WDR33: variants seen among roughly 807,000 people sequenced by gnomAD.
WDR33 encodes pre-mRNA 3' end processing protein WDR33.
A neutral mutation model predicts 164.9 loss-of-function variants in WDR33; 47 were observed. That is an observed-to-expected ratio of 0.29 (90% CI 0.23 to 0.36). The LOEUF (loss-of-function observed/expected upper bound fraction) is 0.36, where lower values mean the gene tolerates loss of function less well. WDR33 is among the 10% of genes least tolerant of loss of function. The pLI, the probability that WDR33 is intolerant of heterozygous loss-of-function variation, is 1.00. For missense variants in WDR33, 1,137 were observed against 1,754.1 expected (o/e 0.65, Z 6.28); for synonymous variants, 505 against 589.0 (o/e 0.86, Z 2.06).
At chr2:127,736,411 A>G (rs72968953) in intron 7 of WDR33, 27,286 of 985,366 alleles carry the variant, frequency 0.028, 846 homozygotes, top group African/African-American at 0.15. Flanking sequence ...ACTGAGTGGT[A>G]GCACAGAAGT....
At position 127,701,763 on chromosome 2, in the gene WDR33, G is replaced by A; in HGVS notation, c.*4560C>T. On this transcript the variant is annotated 3_prime_UTR_variant, in exon 22 of 22. Coordinates refer to ENST00000322313, the MANE Select transcript of WDR33 (RefSeq NM_018383.5). ...CGTGACGCGCGGGCAGCGGCTGGCG[G>A]CGGGCGGCGGGTGCCTGCTGCTGGC... The A allele has an allele frequency of 1.4e-6, 2 of 1,424,094 alleles. No homozygotes were observed. The highest frequency in any genetic ancestry group is 3.2e-5 in the East Asian group (1 of 31,568). 88.2% of individuals were successfully genotyped at this position (1,424,094 alleles called of 1,614,324 possible).
At chr2:127,799,693 G>T (rs1258889832) in intron 1 of WDR33, among the ~76,000 whole-genome samples, 2 of 152,184 alleles carry the variant, frequency 1.3e-5, no homozygotes, top group African/African-American at 4.8e-5. Context: ...TACTCAGGAG[G>T]CTGAAGCAGG....
rs1685910040 is a variant in WDR33, at chr2:127,702,216, AGCGCCGTCGGAGACC to A, written c.*4092_*4106del. 8.3e-7 allele frequency: 1 copy of A among 1,205,098 alleles called. No individual in the cohort carries two copies. The highest frequency in any genetic ancestry group is 1.6e-5 in the African/African-American group (1 of 63,040). 74.7% of individuals were successfully genotyped at this position (1,205,098 alleles called of 1,614,324 possible). A position where few individuals can be genotyped will look rare whatever the true frequency, so the allele number is the denominator to read the frequency against. ...CGCCGCTGGGGAAGTACGCGGAGCC[AGCGCCGTCGGAGACC>A]GCGCCGGCCGAGCTGAGGACTGCAC... On this transcript the variant is annotated 3_prime_UTR_variant, in exon 22 of 22. Transcript: ENST00000322313.
rs1381655903 is a variant in WDR33, at chr2:127,701,646, G to C, written c.*4677C>G. 11 of 1,305,078 alleles carry C rather than the reference G, an allele frequency of 8.4e-6. No homozygotes were observed. The East Asian group carries it at 3.1e-4, about 37-fold the overall frequency. The allele number at this position is 1,305,078 out of a possible 1,614,324, so 80.8% of individuals were successfully genotyped here. A position where few individuals can be genotyped will look rare whatever the true frequency, so the allele number is the denominator to read the frequency against. ...GGCGGAGGAGCCCGGGGACCGGCCGGCGGAGGAGTGGCTGGGCCGCGCGGG... is the reference window on the plus strand; with the variant it reads ...GGCGGAGGAGCCCGGGGACCGGCCGCCGGAGGAGTGGCTGGGCCGCGCGGG... On this transcript the variant is annotated 3_prime_UTR_variant, in exon 22 of 22. Coordinates refer to ENST00000322313, the MANE Select transcript of WDR33 (RefSeq NM_018383.5).
chr2:127,736,006 C>T, intron 7 of WDR33: 1 of 985,436 alleles, frequency 1.0e-6, no homozygotes, highest in Non-Finnish European at 1.2e-6. Context: ...TCCAACAATA[C>T]AGTGCATAGA....
rs1686223769 is a variant in WDR33, at chr2:127,713,336, T to C, written c.3308+247A>G. 6.6e-6 allele frequency among the ~76,000 whole-genome samples: 1 copy of C among 152,124 alleles called. No homozygotes were observed. The highest frequency in any genetic ancestry group is 1.5e-5 in the Non-Finnish European group (1 of 68,018). On this transcript the variant is annotated intron_variant, in intron 18 of 21. Coordinates refer to ENST00000322313, the MANE Select transcript of WDR33 (RefSeq NM_018383.5). This position sits in a 1 kb window ranked among gnomAD's most constrained non-coding sequence, Gnocchi z 6.2. ...GTAGTACACTGATCCTCCCATCTCT[T>C]TAGAAAGGACCAAAATATAAAAAAA...
In WDR33 at chr2:127,716,379, T is replaced by C. The variant is rs1453236502; in HGVS notation, c.2869+776A>G. Among the ~76,000 whole-genome samples the C allele has an allele frequency of 6.6e-6, 1 of 152,220 alleles. No individual in the cohort carries two copies. Among genetic ancestry groups the C allele is most frequent in the Non-Finnish European group, 1.5e-5 (1 of 68,046 alleles). On this transcript the variant is annotated intron_variant, in intron 17 of 21. Coordinates refer to ENST00000322313, the MANE Select transcript of WDR33 (RefSeq NM_018383.5). The surrounding 1 kb of genome is among the most constrained non-coding windows in gnomAD (Gnocchi z 4.5). The stretch of plus-strand genomic sequence containing the variant: ...TGAAGGGCAATCTCTGCGGTCCTCC[T>C]GATTCTCCGAGTTGTGGTTTCTCCC...
rs1441524524 is a variant in WDR33, at chr2:127,701,663, C to A, written c.*4660G>T. ...ACCGGCCGGCGGAGGAGTGGCTGGG[C>A]CGCGCGGGCTTGCGCTGGACGTGGG... is the stretch of plus-strand genomic sequence containing the variant. On this transcript the variant is annotated 3_prime_UTR_variant, in exon 22 of 22. Transcript: ENST00000322313. 7.7e-7 allele frequency: 1 copy of A among 1,292,096 alleles called. No homozygotes were observed. The highest frequency in any genetic ancestry group is 2.4e-5 in the South Asian group (1 of 42,084). The allele number at this position is 1,292,096 out of a possible 1,614,324, so 80.0% of individuals were successfully genotyped here. A position where few individuals can be genotyped will look rare whatever the true frequency, so the allele number is the denominator to read the frequency against.
Position 127,713,724 on chromosome 2 carries a change from G to A in WDR33, c.3167C>T (p.Pro1056Leu). The A allele has an allele frequency of 6.2e-7, 1 of 1,614,218 alleles. No individual in the cohort carries two copies. The highest frequency in any genetic ancestry group is 8.5e-7 in the Non-Finnish European group (1 of 1,180,002). Residue 1056 changes from proline (P) to leucine (L), a missense_variant, in exon 18 of 22, where the codon CCT (proline) becomes CTT (leucine). Pro to Leu is a moderately conservative substitution (Grantham distance 98). Coordinates refer to ENST00000322313, the MANE Select transcript of WDR33 (RefSeq NM_018383.5). The surrounding 1 kb of genome is among the most constrained non-coding windows in gnomAD (Gnocchi z 6.2). ...CCCCTCGCTGAATTCCCTGTGATCA[G>A]GGGGAAACGGAGGCCCAGGGCCCCC... ...RRGGPGPPFP[P>L]DHREFSEGDG... is the part of the protein sequence containing the mutation.
chr2:127,720,006 C>T lies in WDR33; in HGVS notation c.2019G>A (p.Gly673=), dbSNP rs148487848. The change falls in exon 16 of 22, where the codon GGG becomes GGA. Residue 673 remains glycine (G), a synonymous_variant. Transcript: ENST00000322313. The surrounding 1 kb of genome is among the most constrained non-coding windows in gnomAD (Gnocchi z 5.9). ...CAGGATGCCTCTGCATTCCTTGGGGCCCATGCATGTCCTGAGGCCGTGGCA... is the reference window on the plus strand; with the variant it reads ...CAGGATGCCTCTGCATTCCTTGGGGTCCATGCATGTCCTGAGGCCGTGGCA... The part of the protein sequence containing the change: ...QGLPRPQDMH[G]PQGMQRHPGP... 1.2e-4 allele frequency: 199 copies of T among 1,613,794 alleles called. No individual in the cohort carries two copies. In the African/African-American group the frequency reaches 2.4e-3, roughly 19 times the overall value.
In WDR33 at chr2:127,765,163, A is replaced by T. The variant is rs1291316965; in HGVS notation, c.474+11T>A. 3.7e-6 allele frequency: 6 copies of T among 1,607,126 alleles called. No homozygotes were observed. Among genetic ancestry groups the T allele is most frequent in the Non-Finnish European group, 5.1e-6 (6 of 1,174,120 alleles). Reference sequence around the variant, plus strand: ...CACAGGATGATGATACCATCTGGTGATTATCATTACCTGTAATATTGTTTC... The same window carrying T: ...CACAGGATGATGATACCATCTGGTGTTTATCATTACCTGTAATATTGTTTC... On this transcript the variant is annotated intron_variant, in intron 5 of 21. Transcript: ENST00000322313.
In WDR33 at chr2:127,705,008, A is replaced by C. The variant is rs1015229686; in HGVS notation, c.*1315T>G. On this transcript the variant is annotated 3_prime_UTR_variant, in exon 22 of 22. Transcript: ENST00000322313. The surrounding 1 kb of genome is among the most constrained non-coding windows in gnomAD (Gnocchi z 4.5). ...TACTAGGGAGGCTGAGGCAGGGTCA[A>C]AGCTGAAGTGAGCCGTGATTGCACC... 6.2e-6 allele frequency: 1 copy of C among 161,652 alleles called. No homozygotes were observed. Among genetic ancestry groups the C allele is most frequent in the Non-Finnish European group, 1.5e-5 (1 of 68,096 alleles). 10.0% of individuals were successfully genotyped at this position (161,652 alleles called of 1,614,324 possible). A position where few individuals can be genotyped will look rare whatever the true frequency, so the allele number is the denominator to read the frequency against.
intron 7 of WDR33, among the ~76,000 whole-genome samples, chr2:127,730,451 A>G (rs1302746050): frequency 6.7e-6 from 1 of 149,998 alleles, no homozygotes; most frequent in Non-Finnish European, 1.5e-5. Flanking sequence ...CATCCTAATA[A>G]TTTAAGTGGA....
At position 127,726,608 on chromosome 2, in the gene WDR33, C is replaced by T. The variant is rs754723338; in HGVS notation, c.851+43G>A. 2.5e-6 allele frequency: 4 copies of T among 1,605,626 alleles called. No individual in the cohort carries two copies. Among genetic ancestry groups the T allele is most frequent in the South Asian group, 2.2e-5 (2 of 89,678 alleles). On this transcript the variant is annotated intron_variant, in intron 8 of 21. Transcript: ENST00000322313. This position sits in a 1 kb window ranked among gnomAD's most constrained non-coding sequence, Gnocchi z 4.8. The stretch of plus-strand genomic sequence containing the variant: ...AAAAGTTAAAGGACACACTGCTTTG[C>T]TCCCCTTTGTTCAGGGGCCAAGGTG...
intron 7 of WDR33, 152 bp downstream of exon 7, chr2:127,762,910 A>G (rs1687719799): frequency 2.1e-6 from 3 of 1,429,706 alleles, no homozygotes; most frequent in Non-Finnish European, 2.8e-6. Flanking sequence ...TGAGTCAGAG[A>G]AAGTGCTGGG....
rs767016124 is a variant in WDR33 at position 127,701,750 on chromosome 2, G to A, written c.*4573C>T. On this transcript the variant is annotated 3_prime_UTR_variant, in exon 22 of 22. Transcript: ENST00000322313. ...CGTGCCTCCCGAGCGTGACGCGCGG[G>A]CAGCGGCTGGCGGCGGGCGGCGGGT... 6.4e-6 allele frequency: 9 copies of A among 1,416,760 alleles called. No homozygotes were observed. The highest frequency in any genetic ancestry group is 1.4e-5 in the South Asian group (1 of 71,782). 87.8% of individuals were successfully genotyped at this position (1,416,760 alleles called of 1,614,324 possible).
At chr2:127,790,558 T>C (rs1688808062) in intron 1 of WDR33, among the ~76,000 whole-genome samples, 1 of 152,200 alleles carries the variant, frequency 6.6e-6, no homozygotes, top group Admixed American at 6.5e-5. Flanking sequence ...CAACCTCAAC[T>C]TTCCTTTGGA....
rs1175565159 is a variant in WDR33 at position 127,712,939 on chromosome 2, T to G, written c.3308+644A>C. On this transcript the variant is annotated intron_variant, in intron 18 of 21. Transcript: ENST00000322313. The surrounding 1 kb of genome is among the most constrained non-coding windows in gnomAD (Gnocchi z 4.0). ...CCAGCTAATTAAAAAATTTTTTTTGTAGAGATGGAGTTACACTATGTCGTT... is the reference window on the plus strand; with the variant it reads ...CCAGCTAATTAAAAAATTTTTTTTGGAGAGATGGAGTTACACTATGTCGTT... Among the ~76,000 whole-genome samples, 1 of 152,116 alleles carries G rather than the reference T, an allele frequency of 6.6e-6. No individual in the cohort carries two copies. The highest frequency in any genetic ancestry group is 2.4e-5 in the African/African-American group (1 of 41,426).
At position 127,724,186 on chromosome 2, in the gene WDR33, TA is replaced by T; in HGVS notation, c.1196+146del. The T allele has an allele frequency of 1.7e-6, 1 of 598,988 alleles. No individual in the cohort carries two copies. Among genetic ancestry groups the T allele is most frequent in the East Asian group, 3.1e-5 (1 of 32,274 alleles). The allele number at this position is 598,988 out of a possible 1,614,324, so 37.1% of individuals were successfully genotyped here. On this transcript the variant is annotated intron_variant, in intron 11 of 21. Coordinates refer to ENST00000322313, the MANE Select transcript of WDR33 (RefSeq NM_018383.5). The surrounding 1 kb of genome is among the most constrained non-coding windows in gnomAD (Gnocchi z 4.8). Reference sequence around the variant, plus strand: ...AATACCCAATCTCTTTATTGCAATATAAGTATTTGTAAACCACTACAAAAAT... The same window carrying T: ...AATACCCAATCTCTTTATTGCAATATAGTATTTGTAAACCACTACAAAAAT...
Sources: allele counts gnomAD v4.1 joint callset (sites outside exome capture counted in the v4.1 genomes callset), GRCh38; gene constraint gnomAD v4.1.1; non-coding constraint Gnocchi (gnomAD v3.1); transcripts MANE v1.5; gene names NCBI Gene and HGNC (gene_info 2026-07-23, HGNC 2026-07-21).